DCAF8L1: variants seen among roughly 807,000 people sequenced by gnomAD.
The protein encoded by DCAF8L1 is DDB1 and CUL4 associated factor 8 like 1.
For missense variants in DCAF8L1, 434 were observed against 481.6 expected, an observed-to-expected ratio of 0.90 and a Z score of 0.92; for synonymous variants, 217 against 186.8, an observed-to-expected ratio of 1.16 and a Z score of -1.32.
In DCAF8L1 at chrX:27,981,413, C is replaced by T. The variant is rs1293920080; in HGVS notation, c.-79G>A. ...AGCTCAGGGAAGAGAGCACGCCTGC[C>T]CCGAGGACGGACGGTCGGAGAAGGC... On this transcript the variant is annotated 5_prime_UTR_variant, in exon 1 of 1. Coordinates refer to ENST00000441525, the MANE Select transcript of DCAF8L1 (RefSeq NM_001017930.2). 6 of 1,133,477 alleles carry T rather than the reference C, an allele frequency of 5.3e-6. No homozygotes were observed. The highest frequency in any genetic ancestry group is 7.0e-6 in the Non-Finnish European group (6 of 853,081). The allele number at this position is 1,133,477 out of a possible 1,213,427, so 93.4% of individuals were successfully genotyped here.
At position 27,979,071 on chromosome X, in the gene DCAF8L1, A is replaced by C; in HGVS notation, c.*461T>G. On this transcript the variant is annotated 3_prime_UTR_variant, in exon 1 of 1. Coordinates refer to ENST00000441525, the MANE Select transcript of DCAF8L1 (RefSeq NM_001017930.2). ...TTTGAAGCTGTGTGTGTGTGTGGCC[A>C]AGTGTTAGGAATTAATCTACACACT... 5.7e-6 allele frequency: 2 copies of C among 351,074 alleles called. No individual in the cohort carries two copies. Among genetic ancestry groups the C allele is most frequent in the Non-Finnish European group, 1.0e-5 (2 of 195,063 alleles). 28.9% of individuals were successfully genotyped at this position (351,074 alleles called of 1,213,427 possible). A position where few individuals can be genotyped will look rare whatever the true frequency, so the allele number is the denominator to read the frequency against.
In DCAF8L1 at chrX:27,981,337, C is replaced by G; in HGVS notation, c.-3G>C. On this transcript the variant is annotated 5_prime_UTR_variant, in exon 1 of 1. Coordinates refer to ENST00000441525, the MANE Select transcript of DCAF8L1 (RefSeq NM_001017930.2). ...GTGCTGCCCTCTTGGTGGGACATCT[C>G]GAACGATGTTTGCTGTAGCTGATCT... 8.3e-7 allele frequency: 1 copy of G among 1,202,381 alleles called. No homozygotes were observed. Among genetic ancestry groups the G allele is most frequent in the Non-Finnish European group, 1.1e-6 (1 of 890,316 alleles).
chrX:27,978,678 G>C lies in DCAF8L1; in HGVS notation c.*854C>G. 3.6e-6 allele frequency: 1 copy of C among 277,381 alleles called. No individual in the cohort carries two copies. The highest frequency in any genetic ancestry group is 6.6e-6 in the Non-Finnish European group (1 of 151,482). 22.9% of individuals were successfully genotyped at this position (277,381 alleles called of 1,213,427 possible). A position where few individuals can be genotyped will look rare whatever the true frequency, so the allele number is the denominator to read the frequency against. On this transcript the variant is annotated 3_prime_UTR_variant, in exon 1 of 1. Transcript: ENST00000441525. Reference sequence around the variant, plus strand: ...TTATTAACATATTGATTCAGAAAATGTGGATAATCCCAAGTTATTTGCTCT... The same window carrying C: ...TTATTAACATATTGATTCAGAAAATCTGGATAATCCCAAGTTATTTGCTCT...
Position 27,980,065 on chromosome X carries a change from C to A in DCAF8L1, c.1270G>T (p.Gly424Cys). The change falls in exon 1 of 1, where the codon GGT (glycine) becomes TGT (cysteine). Residue 424 changes from glycine (G) to cysteine (C), a missense_variant. Coordinates refer to ENST00000441525, the MANE Select transcript of DCAF8L1 (RefSeq NM_001017930.2). ...TTATATCTCTTAACATATTGAGCAC[C>A]ATCACTGAGAGAGGAGTTGAAGAGG... ...IYLFNSSLSD[G>C]AQYVKRYKGH... 1 of 1,211,420 alleles carries A rather than the reference C, an allele frequency of 8.3e-7. No individual in the cohort carries two copies. The highest frequency in any genetic ancestry group is 1.1e-6 in the Non-Finnish European group (1 of 895,441).
Position 27,980,644 on chromosome X carries a change from C to G in DCAF8L1, c.691G>C (p.Val231Leu), listed in dbSNP as rs757067588. 4 of 1,212,283 alleles carry G rather than the reference C, an allele frequency of 3.3e-6. No individual in the cohort carries two copies. The South Asian group carries it at 7.0e-5, about 21-fold the overall frequency. Reference sequence around the variant, plus strand: ...TCGTGACCACTCTCAAAGTTCAGTACTGGCTTCTGCCGCACCCAGTCCCAC... The same window carrying G: ...TCGTGACCACTCTCAAAGTTCAGTAGTGGCTTCTGCCGCACCCAGTCCCAC... ...IVWDWVRQKP[V>L]LNFESGHDIN... Residue 231 changes from valine to leucine, a missense_variant, in exon 1 of 1, where the codon GTA (valine) becomes CTA (leucine). Physicochemically the swap from Val to Leu is conservative, Grantham distance 32. Coordinates refer to ENST00000441525, the MANE Select transcript of DCAF8L1 (RefSeq NM_001017930.2).
rs1488329992 is a variant in DCAF8L1, at chrX:27,978,740, C to CACTACT, written c.*786_*791dup. ...TTATCTGGTTAGGAATTCATCTACACACTACTTCTTGTTTTCCTTTTCTAA... is the reference window on the plus strand; with the variant it reads ...TTATCTGGTTAGGAATTCATCTACACACTACTACTACTTCTTGTTTTCCTTTTCTAA... On this transcript the variant is annotated 3_prime_UTR_variant, in exon 1 of 1. Coordinates refer to ENST00000441525, the MANE Select transcript of DCAF8L1 (RefSeq NM_001017930.2). 2 of 478,234 alleles carry CACTACT rather than the reference C, an allele frequency of 4.2e-6. No homozygotes were observed. The highest frequency in any genetic ancestry group is 8.4e-5 in the East Asian group (2 of 23,722). 39.4% of individuals were successfully genotyped at this position (478,234 alleles called of 1,213,427 possible).
chrX:27,980,850 C>A lies in DCAF8L1; in HGVS notation c.485G>T (p.Arg162Leu). Reference protein sequence around the residue: ...RSRWQVLTALRQRQLGSSARF... With the variant: ...RSRWQVLTALLQRQLGSSARF... ...GGCACTTGAACCCAGCTGCCGCTGG[C>A]GAAGAGCAGTAAGGACTTGCCAGCG... Residue 162 changes from arginine (R) to leucine (L), a missense_variant, in exon 1 of 1, where the codon CGC becomes CTC. By Grantham distance (102) the Arg-to-Leu change is moderately radical. Transcript: ENST00000441525. 8.3e-7 allele frequency: 1 copy of A among 1,210,980 alleles called. No individual in the cohort carries two copies. Among genetic ancestry groups the A allele is most frequent in the Non-Finnish European group, 1.1e-6 (1 of 895,065 alleles).
chrX:27,979,641 C>A lies in DCAF8L1; in HGVS notation c.1694G>T (p.Arg565Ile). The A allele has an allele frequency of 4.1e-6, 5 of 1,211,993 alleles. No individual in the cohort carries two copies. Among genetic ancestry groups the A allele is most frequent in the Non-Finnish European group, 5.6e-6 (5 of 895,574 alleles). Residue 565 changes from arginine to isoleucine, a missense_variant, in exon 1 of 1, where the codon AGA becomes ATA. Coordinates refer to ENST00000441525, the MANE Select transcript of DCAF8L1 (RefSeq NM_001017930.2). Reference protein sequence around the residue: ...LLQRAHQPGWRDHGAEFPDEE... With the variant: ...LLQRAHQPGWIDHGAEFPDEE... The stretch of plus-strand genomic sequence containing the variant: ...ATCTGGGAACTCAGCTCCATGATCT[C>A]TCCAGCCGGGTTGATGAGCTCTCTG...
chrX:27,981,225 G>A lies in DCAF8L1; in HGVS notation c.110C>T (p.Ser37Leu). 8.3e-7 allele frequency: 1 copy of A among 1,211,253 alleles called. No homozygotes were observed. Among genetic ancestry groups the A allele is most frequent in the Non-Finnish European group, 1.1e-6 (1 of 895,446 alleles). ...SGVAAVTAAS[S>L]DIEMAATEPS... ...CTCTGTGGCTGCCATTTCAATGTCT[G>A]AGGAGGCCGCCGTCACCGCTGCTAC... The change falls in exon 1 of 1, where the codon TCA (serine) becomes TTA (leucine). Residue 37 changes from serine (S) to leucine (L), a missense_variant. By Grantham distance (145) the Ser-to-Leu change is moderately radical (BLOSUM62 -2). Coordinates refer to ENST00000441525, the MANE Select transcript of DCAF8L1 (RefSeq NM_001017930.2).
chrX:27,979,173 C>T lies in DCAF8L1; in HGVS notation c.*359G>A, dbSNP rs1469209477. ...AGAACTATGGTTTGCCTTATTTTACCTCTAAAGAATAAACACGTTTATGAA... is the reference window on the plus strand; with the variant it reads ...AGAACTATGGTTTGCCTTATTTTACTTCTAAAGAATAAACACGTTTATGAA... On this transcript the variant is annotated 3_prime_UTR_variant, in exon 1 of 1. Coordinates refer to ENST00000441525, the MANE Select transcript of DCAF8L1 (RefSeq NM_001017930.2). The T allele has an allele frequency of 3.8e-6, 1 of 260,535 alleles. No homozygotes were observed. Among genetic ancestry groups the T allele is most frequent in the African/African-American group, 2.8e-5 (1 of 35,862 alleles). The allele number at this position is 260,535 out of a possible 1,213,427, so 21.5% of individuals were successfully genotyped here. A position where few individuals can be genotyped will look rare whatever the true frequency, so the allele number is the denominator to read the frequency against.
chrX:27,978,907 T>C lies in DCAF8L1; in HGVS notation c.*625A>G. 1 of 807,244 alleles carries C rather than the reference T, an allele frequency of 1.2e-6. No individual in the cohort carries two copies. The highest frequency in any genetic ancestry group is 1.8e-6 in the Non-Finnish European group (1 of 541,842). The allele number at this position is 807,244 out of a possible 1,213,427, so 66.5% of individuals were successfully genotyped here. ...ATTTCTTGAGTACTCCATTGTTTTC[T>C]TTCTCATCAATTCTCCTCTGGTCAT... is the stretch of plus-strand genomic sequence containing the variant. On this transcript the variant is annotated 3_prime_UTR_variant, in exon 1 of 1. Transcript: ENST00000441525.
rs763039543 is a variant in DCAF8L1 at position 27,981,066 on chromosome X, C to T, written c.269G>A (p.Gly90Asp). 2.1e-5 allele frequency: 25 copies of T among 1,210,197 alleles called. No individual in the cohort carries two copies. Among genetic ancestry groups the T allele is most frequent in the Non-Finnish European group, 5.6e-6 (5 of 895,300 alleles). Residue 90 changes from glycine to aspartate, a missense_variant, in exon 1 of 1, where the codon GGT (glycine) becomes GAT (aspartate). Transcript: ENST00000441525. ...TGTCTCCTCTCCCACTAACGGGTAA[C>T]CAAATAAACCTTCACCCATGCTTTC... The part of the protein sequence containing the change: ...ELESMGEGLF[G>D]YPLVGEETER...
chrX:27,980,190 T>C lies in DCAF8L1; in HGVS notation c.1145A>G (p.His382Arg), dbSNP rs771032379. The change falls in exon 1 of 1, where the codon CAT becomes CGT. Residue 382 changes from histidine to arginine, a missense_variant. His to Arg is a conservative substitution (Grantham distance 29). Transcript: ENST00000441525. Reference sequence around the variant, plus strand: ...TGGGAAATCACAATAAACCAGATGATGAGGAGTGAATTTCTTGAGTACTCC... The same window carrying C: ...TGGGAAATCACAATAAACCAGATGACGAGGAGTGAATTTCTTGAGTACTCC... ...NNGVLKKFTP[H>R]HLVYCDFPTN... 8.3e-6 allele frequency: 10 copies of C among 1,211,987 alleles called. No homozygotes were observed. The highest frequency in any genetic ancestry group is 1.8e-5 in the South Asian group (1 of 56,968).
In DCAF8L1 at chrX:27,980,689, C is replaced by T; in HGVS notation, c.646G>A (p.Asp216Asn). The T allele has an allele frequency of 8.3e-7, 1 of 1,211,662 alleles. No homozygotes were observed. The highest frequency in any genetic ancestry group is 1.1e-6 in the Non-Finnish European group (1 of 895,480). ...QRGTRLASSG[D>N]DLRVIVWDWV... Reference sequence around the variant, plus strand: ...TCCCACACTATCACCCTTAAGTCATCACCGCTACTGGCCAGTCGGGTGCCA... The same window carrying T: ...TCCCACACTATCACCCTTAAGTCATTACCGCTACTGGCCAGTCGGGTGCCA... The change falls in exon 1 of 1, where the codon GAT (aspartate) becomes AAT (asparagine). Residue 216 changes from aspartate (D) to asparagine (N), a missense_variant. Asp to Asn is a conservative substitution (Grantham distance 23, BLOSUM62 1). Transcript: ENST00000441525.
rs1926630704 is a variant in DCAF8L1, at chrX:27,980,905, A to T, written c.430T>A (p.Ser144Thr). 8.3e-7 allele frequency: 1 copy of T among 1,210,074 alleles called. No individual in the cohort carries two copies. Among genetic ancestry groups the T allele is most frequent in the Admixed American group, 2.2e-5 (1 of 45,836 alleles). The change falls in exon 1 of 1, where the codon TCC becomes ACC. Residue 144 changes from serine (S) to threonine (T), a missense_variant. Coordinates refer to ENST00000441525, the MANE Select transcript of DCAF8L1 (RefSeq NM_001017930.2). The part of the protein sequence containing the change: ...DEDQALEEWI[S>T]SETSALPRSR... ...CGGGGCAGGGCAGATGTCTCTGAGG[A>T]AATCCACTCCTCCAACGCCTGATCC...
In DCAF8L1 at chrX:27,979,976, G is replaced by A. The variant is rs768047411; in HGVS notation, c.1359C>T (p.Val453=). ...VNFYGPRSEF[V]VSGSDCGHVF... ...CGTGCCCACAATCACTACCGCTCAC[G>A]ACAAACTCACTCCGGGGGCCATAGA... Residue 453 remains valine, a synonymous_variant, in exon 1 of 1, where the codon GTC becomes GTT. Coordinates refer to ENST00000441525, the MANE Select transcript of DCAF8L1 (RefSeq NM_001017930.2). 5.0e-6 allele frequency: 6 copies of A among 1,210,885 alleles called. No individual in the cohort carries two copies. Among genetic ancestry groups the A allele is most frequent in the African/African-American group, 1.7e-5 (1 of 57,593 alleles).
Position 27,979,833 on chromosome X carries a change from A to T in DCAF8L1, c.1502T>A (p.Leu501Gln). The T allele has an allele frequency of 8.3e-7, 1 of 1,210,955 alleles. No homozygotes were observed. The highest frequency in any genetic ancestry group is 1.1e-6 in the Non-Finnish European group (1 of 895,316). Reference sequence around the variant, plus strand: ...TGTCCAGATCCTGACATGCTGATCTAGGCCACTGGTCGCCAACACAGGTAG... The same window carrying T: ...TGTCCAGATCCTGACATGCTGATCTTGGCCACTGGTCGCCAACACAGGTAG... ...PYLPVLATSG[L>Q]DQHVRIWTPT... is the part of the protein sequence containing the mutation. Residue 501 changes from leucine to glutamine, a missense_variant, in exon 1 of 1, where the codon CTA becomes CAA. By Grantham distance (113) the Leu-to-Gln change is moderately radical. Coordinates refer to ENST00000441525, the MANE Select transcript of DCAF8L1 (RefSeq NM_001017930.2).
At position 27,979,659 on chromosome X, in the gene DCAF8L1, G is replaced by A. The variant is rs781006830; in HGVS notation, c.1676C>T (p.Ala559Val). ...RFFVRHLLQRAHQPGWRDHGA... is the reference protein window; with the variant it reads ...RFFVRHLLQRVHQPGWRDHGA... Reference sequence around the variant, plus strand: ...ATGATCTCTCCAGCCGGGTTGATGAGCTCTCTGTAACAGGTGACGCACGAA... The same window carrying A: ...ATGATCTCTCCAGCCGGGTTGATGAACTCTCTGTAACAGGTGACGCACGAA... Residue 559 changes from alanine (A) to valine (V), a missense_variant, in exon 1 of 1, where the codon GCT becomes GTT. By Grantham distance (64) the Ala-to-Val change is moderately conservative. Transcript: ENST00000441525. The A allele has an allele frequency of 4.1e-6, 5 of 1,210,107 alleles. No homozygotes were observed. The highest frequency in any genetic ancestry group is 5.6e-6 in the Non-Finnish European group (5 of 895,333).
chrX:27,979,964 A>G lies in DCAF8L1; in HGVS notation c.1371T>C (p.Ser457=), dbSNP rs1158535501. Residue 457 remains serine, a synonymous_variant, in exon 1 of 1, where the codon AGT becomes AGC. Coordinates refer to ENST00000441525, the MANE Select transcript of DCAF8L1 (RefSeq NM_001017930.2). ...CCCAGAAGAAGACGTGCCCACAATC[A>G]CTACCGCTCACGACAAACTCACTCC... The part of the protein sequence containing the change: ...GPRSEFVVSG[S]DCGHVFFWEK... 1.7e-6 allele frequency: 2 copies of G among 1,208,112 alleles called. No individual in the cohort carries two copies. The highest frequency in any genetic ancestry group is 2.2e-6 in the Non-Finnish European group (2 of 894,759).
Sources: allele counts gnomAD v4.1 joint callset, GRCh38; gene constraint gnomAD v4.1.1; transcripts MANE v1.5; gene names NCBI Gene and HGNC (gene_info 2026-07-23, HGNC 2026-07-21).